AGMO: variants seen among roughly 807,000 people sequenced by gnomAD.
AGMO encodes the protein alkylglycerol monooxygenase.
AGMO carries 75 observed loss-of-function variants against 60.2 expected under a neutral mutation model. That is an observed-to-expected ratio of 1.25 (90% CI 1.03 to 1.51). The LOEUF (loss-of-function observed/expected upper bound fraction) is 1.51. AGMO is among the 40% of genes most tolerant of loss of function. The probability of loss-of-function intolerance (pLI) is 0.00; values close to 1 mark genes in which losing one functional copy is unlikely to be tolerated. For synonymous variants in AGMO, 261 were observed against 177.1 expected (o/e 1.47, Z -3.76); for missense variants, 763 against 525.5 (o/e 1.45, Z -4.42).
chr7:15,294,485 A>G (rs1204295124), intron 12 of AGMO, among the ~76,000 whole-genome samples: 1 of 150,982 alleles, frequency 6.6e-6, no homozygotes, highest in Non-Finnish European at 1.5e-5. Context: ...ATAAAATACA[A>G]TAAAACCTCA....
intron 12 of AGMO, among the ~76,000 whole-genome samples, chr7:15,319,477 A>G (rs1381956511): frequency 6.6e-6 from 1 of 152,148 alleles, no homozygotes; most frequent in Non-Finnish European, 1.5e-5. Context: ...TAAATAAACA[A>G]AGCTTTGCAT....
intron 3 of AGMO, among the ~76,000 whole-genome samples, chr7:15,496,425 T>C (rs1044958617): frequency 2.6e-5 from 4 of 152,152 alleles, no homozygotes; most frequent in African/African-American, 7.2e-5. Flanking sequence ...GGATGCTTAA[T>C]ATCTATTATA....
intron 12 of AGMO, among the ~76,000 whole-genome samples, chr7:15,265,319 G>T: frequency 6.6e-6 from 1 of 152,044 alleles, no homozygotes; most frequent in Admixed American, 6.6e-5. Context: ...GTGGGCTAAA[G>T]AACTACCTGT....
intron 5 of AGMO, among the ~76,000 whole-genome samples, chr7:15,400,980 A>G (rs546833411): frequency 8.5e-5 from 13 of 152,210 alleles, no homozygotes; most frequent in Non-Finnish European, 1.9e-4. Flanking sequence ...GTAGAGACCT[A>G]AAAGGTTAAT....
Position 15,366,128 on chromosome 7 carries a change from T to G in AGMO, c.1157+12A>C. On this transcript the variant is annotated intron_variant, in intron 11 of 12. Coordinates refer to ENST00000342526, the MANE Select transcript of AGMO (RefSeq NM_001004320.2). ...GTAAAAGTAAAAACAATGCAAGAATTTCACTTCTTGCCTTTGATCCAGAAG... is the reference window on the plus strand; with the variant it reads ...GTAAAAGTAAAAACAATGCAAGAATGTCACTTCTTGCCTTTGATCCAGAAG... The G allele has an allele frequency of 6.3e-7, 1 of 1,592,388 alleles. No individual in the cohort carries two copies. The highest frequency in any genetic ancestry group is 1.1e-5 in the South Asian group (1 of 88,074).
intron 3 of AGMO, among the ~76,000 whole-genome samples, chr7:15,478,991 G>A (rs1000119378): frequency 6.6e-6 from 1 of 152,074 alleles, no homozygotes; most frequent in Non-Finnish European, 1.5e-5. Context: ...TGTTATGGAA[G>A]ATAAACGAGC....
At chr7:15,462,416 T>C (rs1341794111) in intron 3 of AGMO, among the ~76,000 whole-genome samples, 1 of 152,198 alleles carries the variant, frequency 6.6e-6, no homozygotes, top group Non-Finnish European at 1.5e-5. Context: ...AGTTCTACTA[T>C]TGCCAGAGAC....
intron 12 of AGMO, among the ~76,000 whole-genome samples, chr7:15,218,147 C>T (rs1406801239): frequency 1.3e-5 from 2 of 151,970 alleles, no homozygotes; most frequent in Non-Finnish European, 2.9e-5. Context: ...AATGAAGTTT[C>T]ATATTCCAAT....
intron 3 of AGMO, among the ~76,000 whole-genome samples, chr7:15,488,758 T>G (rs55878440): frequency 0.023 from 3,437 of 152,218 alleles, 58 homozygotes; most frequent in Middle Eastern, 0.054. Flanking sequence ...AGATTTTACA[T>G]TTGCATATTT....
chr7:15,229,152 C>T (rs2128498959), intron 12 of AGMO, among the ~76,000 whole-genome samples: 1 of 152,186 alleles, frequency 6.6e-6, no homozygotes, highest in African/African-American at 2.4e-5. Context: ...CCCATTCCTG[C>T]TCCATTAGCT....
intron 12 of AGMO, among the ~76,000 whole-genome samples, chr7:15,320,834 T>C (rs1049340343): frequency 2.0e-5 from 3 of 152,192 alleles, no homozygotes; most frequent in African/African-American, 7.2e-5. Context: ...GAAACAACTA[T>C]GTTTAACATA....
intron 4 of AGMO, 72 bp downstream of exon 4, chr7:15,430,933 T>TTTTTTGG: frequency 1.3e-6 from 1 of 788,670 alleles, no homozygotes. Flanking sequence ...TTTTTTTTTT[T>TTTTTTGG]GAGGAAATAG....
At chr7:15,371,275 T>C (rs1252679545) in intron 10 of AGMO, among the ~76,000 whole-genome samples, 1 of 152,162 alleles carries the variant, frequency 6.6e-6, no homozygotes. Flanking sequence ...GTTTGTAGTG[T>C]AATGGCACCA....
the AGMO span, among the ~76,000 whole-genome samples, chr7:15,135,979 C>T: frequency 2.2e-3 from 233 of 106,818 alleles, 1 homozygote; most frequent in African/African-American, 6.0e-3. Context: ...TTTTTCTTTT[C>T]TTTTTTTTTT....
At chr7:15,291,787 C>T (rs1784270611) in intron 12 of AGMO, among the ~76,000 whole-genome samples, 1 of 152,092 alleles carries the variant, frequency 6.6e-6, no homozygotes, top group African/African-American at 2.4e-5. Flanking sequence ...AAGCTAGAGG[C>T]CTGTGGGCAT....
intron 3 of AGMO, among the ~76,000 whole-genome samples, chr7:15,497,254 T>C (rs971902595): frequency 7.2e-5 from 11 of 152,054 alleles, no homozygotes; most frequent in African/African-American, 2.7e-4. Context: ...TTATATATTT[T>C]GGTAAGGGTT....
intron 12 of AGMO, among the ~76,000 whole-genome samples, chr7:15,292,740 CT>C (rs1335532465): frequency 2.2e-5 from 3 of 137,706 alleles, no homozygotes; most frequent in East Asian, 2.1e-4. Flanking sequence ...CAGTCTCCTC[CT>C]TTTTTTTTCC....
the AGMO span, among the ~76,000 whole-genome samples, chr7:15,182,031 G>C: frequency 1.3e-5 from 2 of 152,140 alleles, no homozygotes; most frequent in African/African-American, 2.4e-5. Flanking sequence ...ATTCAGACTT[G>C]AAAACGAAGG....
chr7:15,409,022 C>T (rs1056910101), intron 5 of AGMO, among the ~76,000 whole-genome samples: 1 of 151,652 alleles, frequency 6.6e-6, no homozygotes, highest in Non-Finnish European at 1.5e-5. Context: ...AAATGGAAAA[C>T]GGTCCAGTAT....
Sources: allele counts gnomAD v4.1 joint callset (sites outside exome capture counted in the v4.1 genomes callset), GRCh38; gene constraint gnomAD v4.1.1; transcripts MANE v1.5; gene names NCBI Gene and HGNC (gene_info 2026-07-23, HGNC 2026-07-21).